Variants in CLCC1 observed in about 807,000 individuals in gnomAD.
The protein encoded by CLCC1 is chloride channel CLIC-like protein 1.
CLCC1 carries 39 observed loss-of-function variants against 63.3 expected under a neutral mutation model. That is an observed-to-expected ratio of 0.62 (90% CI 0.48 to 0.81). The LOEUF (loss-of-function observed/expected upper bound fraction) is 0.81, where lower values mean the gene tolerates loss of function less well. Among genes scored for constraint, CLCC1 ranks in the 30% least tolerant of loss-of-function variants. The pLI, the probability that CLCC1 is intolerant of heterozygous loss-of-function variation, is 0.00. For missense variants in CLCC1, 549 were observed against 669.4 expected, an observed-to-expected ratio of 0.82 and a Z score of 1.98; for synonymous variants, 217 against 239.8, an observed-to-expected ratio of 0.90 and a Z score of 0.88.
chr1:108,953,953 T>C (rs956233086), intron 2 of CLCC1, among the ~76,000 whole-genome samples: 3 of 139,262 alleles, frequency 2.2e-5, no homozygotes, highest in African/African-American at 8.5e-5. Context: ...GAAGTTGCAG[T>C]GAGCCAAGAT....
At chr1:108,950,946 A>C (rs1485372353) in intron 2 of CLCC1, among the ~76,000 whole-genome samples, 1 of 152,256 alleles carries the variant, frequency 6.6e-6, no homozygotes, top group Non-Finnish European at 1.5e-5. Flanking sequence ...TATATGCATA[A>C]TATGCTCACT....
At chr1:108,951,511 C>T (rs142225309) in intron 2 of CLCC1, among the ~76,000 whole-genome samples, 5 of 152,288 alleles carry the variant, frequency 3.3e-5, no homozygotes, top group Middle Eastern at 3.4e-3. Context: ...ACATATGAAC[C>T]TTGAAAATGC....
At chr1:108,940,693 A>G (rs1002909255) in intron 8 of CLCC1, among the ~76,000 whole-genome samples, 5 of 152,222 alleles carry the variant, frequency 3.3e-5, no homozygotes, top group African/African-American at 1.2e-4. Flanking sequence ...ATTTTTCCAA[A>G]TCAGGCTTAT....
At chr1:108,957,969 C>A (rs1002790315) in intron 2 of CLCC1, among the ~76,000 whole-genome samples, 1 of 151,288 alleles carries the variant, frequency 6.6e-6, no homozygotes, top group African/African-American at 2.5e-5. Flanking sequence ...AGAGATAATT[C>A]TAGTGAGTGC....
intron 7 of CLCC1, 34 bp downstream of exon 7, chr1:108,943,441 G>A: frequency 6.3e-7 from 1 of 1,593,184 alleles, no homozygotes. Flanking sequence ...GAATAAATGT[G>A]TTAAAATTGT....
chr1:108,929,999 T>G lies in CLCC1; in HGVS notation c.*2548A>C. On this transcript the variant is annotated 3_prime_UTR_variant, in exon 13 of 13. Transcript: ENST00000369969. ...CGGTAAGGAAACAATCTATTACTTT[T>G]TTCCTTAAAAGGAGAATTTATAGCA... 1 of 1,508,114 alleles carries G rather than the reference T, an allele frequency of 6.6e-7. No individual in the cohort carries two copies. The highest frequency in any genetic ancestry group is 9.2e-7 in the Non-Finnish European group (1 of 1,091,546). The allele number at this position is 1,508,114 out of a possible 1,614,324, so 93.4% of individuals were successfully genotyped here.
At chr1:108,954,155 A>G (rs1354260178) in intron 2 of CLCC1, among the ~76,000 whole-genome samples, 2 of 151,200 alleles carry the variant, frequency 1.3e-5, no homozygotes, top group Admixed American at 6.6e-5. Flanking sequence ...AGCAATTGCA[A>G]TTGCGAGGAT....
At chr1:108,942,163 G>A (rs1323418714) in intron 7 of CLCC1, among the ~76,000 whole-genome samples, 2 of 152,118 alleles carry the variant, frequency 1.3e-5, no homozygotes, top group East Asian at 1.9e-4. Context: ...GCTTGAACCC[G>A]GGAGGTGGAG....
At chr1:108,955,241 A>C (rs936128741) in intron 2 of CLCC1, among the ~76,000 whole-genome samples, 1 of 151,364 alleles carries the variant, frequency 6.6e-6, no homozygotes, top group East Asian at 1.9e-4. Flanking sequence ...GTAAGTTGGC[A>C]AAAAAACAAA....
chr1:108,949,768 G>T, intron 4 of CLCC1, 52 bp downstream of exon 4: 1 of 921,380 alleles, frequency 1.1e-6, no homozygotes, highest in South Asian at 1.8e-5. Context: ...CAAGAATATA[G>T]AGCGATTTAA....
chr1:108,931,592 G>T lies in CLCC1; in HGVS notation c.*955C>A. ...CTCTAATGGCCAATGTTTTTTAAGA[G>T]TCATAACCTGGAATTAATTACATTA... is the stretch of plus-strand genomic sequence containing the variant. On this transcript the variant is annotated 3_prime_UTR_variant, in exon 13 of 13. Coordinates refer to ENST00000369969, the MANE Select transcript of CLCC1 (RefSeq NM_001377458.1). 7.7e-7 allele frequency: 1 copy of T among 1,296,866 alleles called. No individual in the cohort carries two copies. Among genetic ancestry groups the T allele is most frequent in the Non-Finnish European group, 1.0e-6 (1 of 987,602 alleles). The allele number at this position is 1,296,866 out of a possible 1,614,324, so 80.3% of individuals were successfully genotyped here.
At chr1:108,942,174 G>T (rs574474271) in intron 7 of CLCC1, among the ~76,000 whole-genome samples, 1 of 152,248 alleles carries the variant, frequency 6.6e-6, no homozygotes, top group Non-Finnish European at 1.5e-5. Flanking sequence ...GGAGGTGGAG[G>T]TTGCATTGAG....
intron 2 of CLCC1, among the ~76,000 whole-genome samples, chr1:108,961,298 A>C (rs1030557228): frequency 2.4e-4 from 36 of 148,526 alleles, no homozygotes; most frequent in African/African-American, 8.6e-4. Flanking sequence ...AAAAAAAAAA[A>C]ACGATTCTGA....
At chr1:108,962,675 C>T (rs904971246) in intron 1 of CLCC1, among the ~76,000 whole-genome samples, 1 of 152,076 alleles carries the variant, frequency 6.6e-6, no homozygotes, top group African/African-American at 2.4e-5. Context: ...CAGAGACAAG[C>T]CTGGACAACA....
chr1:108,963,276 C>A (rs1234790613), intron 1 of CLCC1, 85 bp downstream of exon 1: 1 of 660,214 alleles, frequency 1.5e-6, no homozygotes, highest in Non-Finnish European at 2.8e-6. Context: ...AGCGTCTGCG[C>A]CGCGAGTCCG....
rs781019028 is a variant in CLCC1, at chr1:108,937,279, C to A, written c.1181G>T (p.Gly394Val). The change falls in exon 11 of 13, where the codon GGT becomes GTT. Residue 394 changes from glycine to valine, a missense_variant. Physicochemically the swap from Gly to Val is moderately radical, Grantham distance 109. Transcript: ENST00000369969. Reference sequence around the variant, plus strand: ...GCCCCTATAATGGAAATCGGCATCACCTGCTCCACCATCAGGTCTATAATC... The same window carrying A: ...GCCCCTATAATGGAAATCGGCATCAACTGCTCCACCATCAGGTCTATAATC... ...EIDYRPDGGA[G>V]DADFHYRGQM... 1 of 1,614,244 alleles carries A rather than the reference C, an allele frequency of 6.2e-7. No homozygotes were observed. Among genetic ancestry groups the A allele is most frequent in the Non-Finnish European group, 8.5e-7 (1 of 1,180,046 alleles).
At chr1:108,946,645 A>G (rs74113721) in intron 5 of CLCC1, among the ~76,000 whole-genome samples, 9,813 of 152,250 alleles carry the variant, frequency 0.064, 354 homozygotes, top group Non-Finnish European at 0.068. Flanking sequence ...GCTAATGGCC[A>G]GATCAAGACC....
chr1:108,937,857 T>TA (rs1266375096), intron 10 of CLCC1, among the ~76,000 whole-genome samples: 18 of 152,222 alleles, frequency 1.2e-4, no homozygotes, highest in African/African-American at 2.4e-5. Context: ...AAGTTACAGC[T>TA]AAAATTCAAC....
chr1:108,934,718 A>G lies in CLCC1; in HGVS notation c.1608T>C (p.Gly536=). Reference sequence around the variant, plus strand: ...GATCCTGTCCACGTGGTCCAGCCACACCTCTTGCGGGGCTGTATGTGCTGC... The same window carrying G: ...GATCCTGTCCACGTGGTCCAGCCACGCCTCTTGCGGGGCTGTATGTGCTGC... ...DQGSTYSPAR[G]VAGPRGQDPV... is the part of the protein sequence containing the mutation. The change falls in exon 12 of 13, where the codon GGT becomes GGC. Residue 536 remains glycine (G), a synonymous_variant. Transcript: ENST00000369969. 1 of 1,614,050 alleles carries G rather than the reference A, an allele frequency of 6.2e-7. No homozygotes were observed. The highest frequency in any genetic ancestry group is 8.5e-7 in the Non-Finnish European group (1 of 1,180,024).
Sources: gnomAD v4.1 joint callset for allele counts (sites outside exome capture counted in the v4.1 genomes callset) on GRCh38, gnomAD v4.1.1 for gene constraint, MANE v1.5 for transcripts, NCBI Gene and HGNC (gene_info 2026-07-23, HGNC 2026-07-21) for gene names.